Variants in MBNL1 observed in about 807,000 individuals in gnomAD.
MBNL1 encodes muscleblind-like protein 1.
Under a neutral mutation model 42.2 loss-of-function variants are expected in MBNL1, and 8 were observed. That is an observed-to-expected ratio of 0.19 (90% CI 0.11 to 0.34). The LOEUF (loss-of-function observed/expected upper bound fraction) is 0.34, where lower values mean the gene tolerates loss of function less well. Ranked by LOEUF, MBNL1 falls within the 10% of genes least tolerant of loss-of-function variation. The pLI, the probability that MBNL1 is intolerant of heterozygous loss-of-function variation, is 1.00. For synonymous variants in MBNL1, 169 were observed against 173.9 expected (o/e 0.97, Z 0.22); for missense variants, 309 against 495.3 (o/e 0.62, Z 3.57).
At chr3:152,303,038 A>T (rs2151653570) in intron 2 of MBNL1, among the ~76,000 whole-genome samples, 1 of 151,200 alleles carries the variant, frequency 6.6e-6, no homozygotes, top group Admixed American at 6.6e-5. Context: ...AAAAAAAAAT[A>T]AGTCAAACAG....
intron 2 of MBNL1, among the ~76,000 whole-genome samples, chr3:152,256,934 T>C (rs993041832): frequency 4.6e-5 from 7 of 152,054 alleles, no homozygotes; most frequent in African/African-American, 1.7e-4. Flanking sequence ...GGCAGTTGGA[T>C]GTGTTGTTGT....
chr3:152,368,393 A>G (rs1471557050), intron 2 of MBNL1, among the ~76,000 whole-genome samples: 1 of 152,164 alleles, frequency 6.6e-6, no homozygotes, highest in Non-Finnish European at 1.5e-5. Flanking sequence ...TAGCAGTACC[A>G]TGCTGTTTTG....
intron 2 of MBNL1, among the ~76,000 whole-genome samples, chr3:152,352,705 G>A (rs1193759588): frequency 2.6e-5 from 4 of 152,052 alleles, no homozygotes; most frequent in Non-Finnish European, 4.4e-5. Context: ...CTAAGCTGTG[G>A]GAAATGTCTC....
chr3:152,272,665 A>G (rs1471430482), intron 1 of MBNL1, among the ~76,000 whole-genome samples: 1 of 152,156 alleles, frequency 6.6e-6, no homozygotes, highest in Non-Finnish European at 1.5e-5. Context: ...ACCTGCAGAT[A>G]GGAGGGTATT....
intron 1 of MBNL1, among the ~76,000 whole-genome samples, chr3:152,288,264 A>G (rs896553553): frequency 1.3e-5 from 2 of 152,236 alleles, no homozygotes; most frequent in African/African-American, 2.4e-5. Flanking sequence ...GAGGACATAC[A>G]TGCAAAGGCA....
intron 2 of MBNL1, among the ~76,000 whole-genome samples, chr3:152,379,003 A>G (rs2097057102): frequency 6.6e-6 from 1 of 152,294 alleles, no homozygotes; most frequent in South Asian, 2.1e-4. Context: ...GGTATGAGCC[A>G]CCATGCCTGG....
intron 2 of MBNL1, among the ~76,000 whole-genome samples, chr3:152,259,864 G>C (rs1402541676): frequency 6.6e-6 from 1 of 152,180 alleles, no homozygotes; most frequent in Non-Finnish European, 1.5e-5. Flanking sequence ...AAAAGGGAGA[G>C]AGCAATAAAA....
At chr3:152,443,190 C>CACA (rs1028579744) in intron 4 of MBNL1, among the ~76,000 whole-genome samples, 1 of 103,046 alleles carries the variant, frequency 9.7e-6, no homozygotes, top group South Asian at 3.0e-4. Context: ...ACCCCCCCCC[C>CACA]CACACACACA....
chr3:152,406,739 G>A (rs2098438969), intron 2 of MBNL1, among the ~76,000 whole-genome samples: 1 of 152,026 alleles, frequency 6.6e-6, no homozygotes, highest in African/African-American at 2.4e-5. Context: ...CGTAAATGTC[G>A]CTATTGGTTT....
At chr3:152,407,073 T>TGTGTGTGTGTGTGTGTG (rs57861310) in intron 2 of MBNL1, among the ~76,000 whole-genome samples, 1,812 of 148,990 alleles carry the variant, frequency 0.012, 32 homozygotes, top group Middle Eastern at 0.031. Context: ...GTGTGTGTGT[T>TGTGTGTGTGTGTGTGTG]TGTGTGAACT....
At chr3:152,406,957 G>C (rs1364643891) in intron 2 of MBNL1, among the ~76,000 whole-genome samples, 1 of 151,896 alleles carries the variant, frequency 6.6e-6, no homozygotes, top group African/African-American at 2.4e-5. Flanking sequence ...CCATGGTAAA[G>C]TTACAAATTT....
At chr3:152,458,583 G>A (rs1433422383) in intron 8 of MBNL1, 1 of 171,652 alleles carries the variant, frequency 5.8e-6, no homozygotes. Flanking sequence ...CAGGTTAGCA[G>A]GCATTAATTT....
intron 2 of MBNL1, among the ~76,000 whole-genome samples, chr3:152,407,579 G>A (rs1048152079): frequency 6.6e-6 from 1 of 152,040 alleles, no homozygotes; most frequent in South Asian, 2.1e-4. Context: ...TATGAAATAA[G>A]TACAAGGGTG....
chr3:152,409,294 C>T (rs1211407825), intron 2 of MBNL1, among the ~76,000 whole-genome samples: 8 of 151,534 alleles, frequency 5.3e-5, no homozygotes, highest in East Asian at 3.9e-4. Context: ...ATTTTATATA[C>T]GTGTATGTGT....
rs2079223758 is a variant in MBNL1 at position 152,325,544 on chromosome 3, CTG to C, written c.174+25179_174+25180del. ...TAAACACAAAATATATTGAAGATATCTGTATTTTATTTTTTTTAGTTTATAGT... is the reference window on the plus strand; with the variant it reads ...TAAACACAAAATATATTGAAGATATCTATTTTATTTTTTTTAGTTTATAGT... On this transcript the variant is annotated intron_variant, in intron 2 of 9. Coordinates refer to ENST00000324210, the MANE Select transcript of MBNL1 (RefSeq NM_021038.5). Among the ~76,000 whole-genome samples, 6 of 151,960 alleles carry C rather than the reference CTG, an allele frequency of 3.9e-5. No homozygotes were observed. In the South Asian group the frequency reaches 1.2e-3, roughly 32 times the overall value.
chr3:152,340,867 C>G (rs2093001300), intron 2 of MBNL1: 1 of 1,613,614 alleles, frequency 6.2e-7, no homozygotes, highest in African/African-American at 1.3e-5. Context: ...AAAGCCAAGC[C>G]AGTATAAAGG....
intron 2 of MBNL1, among the ~76,000 whole-genome samples, chr3:152,396,501 C>T (rs559542768): frequency 6.6e-5 from 10 of 152,276 alleles, no homozygotes; most frequent in African/African-American, 1.9e-4. Flanking sequence ...TTAATTTCCT[C>T]ATTGGCATAA....
intron 1 of MBNL1, among the ~76,000 whole-genome samples, chr3:152,293,321 T>A (rs1281036512): frequency 6.6e-6 from 1 of 152,186 alleles, no homozygotes; most frequent in African/African-American, 2.4e-5. Flanking sequence ...GTTCTTCCCA[T>A]ATAATGTATA....
intron 2 of MBNL1, among the ~76,000 whole-genome samples, chr3:152,375,218 A>AT (rs1425861979): frequency 6.6e-6 from 1 of 152,034 alleles, no homozygotes; most frequent in East Asian, 1.9e-4. Context: ...CCCAAAAGAA[A>AT]TTTTTTTCCT....
Sources: allele counts gnomAD v4.1 joint callset (sites outside exome capture counted in the v4.1 genomes callset), GRCh38; gene constraint gnomAD v4.1.1; transcripts MANE v1.5; gene names NCBI Gene and HGNC (gene_info 2026-07-23, HGNC 2026-07-21).